The following AGTPBP1 variants were observed in gnomAD, a reference collection of about 807,000 sequenced individuals.
AGTPBP1 encodes ATP/GTP binding carboxypeptidase 1, also known as cytosolic carboxypeptidase 1.
In AGTPBP1, 70 loss-of-function variants were observed where a neutral mutation model predicts 143.9. The observed-to-expected ratio is 0.49, with a 90% confidence interval of 0.40 to 0.59. AGTPBP1 has a LOEUF of 0.59. Among genes scored for constraint, AGTPBP1 ranks in the 20% least tolerant of loss-of-function variants. AGTPBP1 has a pLI of 0.00. For synonymous variants in AGTPBP1, 463 were observed against 500.2 expected (o/e 0.93, Z 0.99); for missense variants, 1,229 against 1,464.5 (o/e 0.84, Z 2.62).
At chr9:85,692,355 C>A (rs1379866569) in intron 3 of AGTPBP1, among the ~76,000 whole-genome samples, 1 of 151,640 alleles carries the variant, frequency 6.6e-6, no homozygotes, top group Non-Finnish European at 1.5e-5. Context: ...CTCACTGCAA[C>A]CTCCACCTCT....
chr9:85,645,900 T>C (rs534358522), intron 12 of AGTPBP1, among the ~76,000 whole-genome samples: 82 of 152,174 alleles, frequency 5.4e-4, no homozygotes, highest in Non-Finnish European at 7.9e-4. Context: ...AACTGAAACC[T>C]AAGAATCATT....
chr9:85,574,178 C>G (rs900573370), intron 25 of AGTPBP1, among the ~76,000 whole-genome samples: 3 of 152,012 alleles, frequency 2.0e-5, no homozygotes, highest in African/African-American at 7.2e-5. Flanking sequence ...TACCCCCAAC[C>G]CTGTGCTCTC....
chr9:85,799,862 AGCC>A, the AGTPBP1 span, among the ~76,000 whole-genome samples: 2 of 152,150 alleles, frequency 1.3e-5, no homozygotes, highest in Non-Finnish European at 2.9e-5. Context: ...TGTTGATGAG[AGCC>A]TCTGTAGGTA....
intron 3 of AGTPBP1, among the ~76,000 whole-genome samples, chr9:85,690,200 T>C (rs1174464145): frequency 6.6e-6 from 1 of 152,066 alleles, no homozygotes; most frequent in Non-Finnish European, 1.5e-5. Context: ...GTAAAGAAAA[T>C]TTTTGTACAT....
intron 11 of AGTPBP1, among the ~76,000 whole-genome samples, chr9:85,654,663 C>T (rs749443283): frequency 9.9e-5 from 15 of 151,690 alleles, no homozygotes; most frequent in Admixed American, 2.6e-4. Flanking sequence ...GCCAACATGG[C>T]GAAAACCCAT....
Position 85,646,303 on chromosome 9 carries a change from A to G in AGTPBP1, c.1185+18T>C. ...ATATCATTTATAAAGCTAACTAATT[A>G]CAGAAATTTATACTAACCTTAAAAT... On this transcript the variant is annotated intron_variant, in intron 12 of 25. Transcript: ENST00000357081. The G allele has an allele frequency of 6.3e-7, 1 of 1,583,448 alleles. No homozygotes were observed. Among genetic ancestry groups the G allele is most frequent in the South Asian group, 1.1e-5 (1 of 90,248 alleles).
Position 85,579,035 on chromosome 9 carries a change from A to G in AGTPBP1, c.3227T>C (p.Val1076Ala). The change falls in exon 24 of 26, where the codon GTA (valine) becomes GCA (alanine). Residue 1076 changes from valine to alanine, a missense_variant. Around this residue, in one of 2 missense-constraint regions of AGTPBP1, gnomAD observed 486 missense variants for 652.3 expected, o/e 0.75. Transcript: ENST00000357081. The stretch of plus-strand genomic sequence containing the variant: ...TGTGGATTCTTTAGATTTTTCCACT[A>G]CGAAGCTACAGCTGCTCATGCAAAA... ...PAFCMSSCSFVVEKSKESTAR... is the reference protein window; with the variant it reads ...PAFCMSSCSFAVEKSKESTAR... The G allele has an allele frequency of 6.2e-7, 1 of 1,611,624 alleles. No homozygotes were observed. Among genetic ancestry groups the G allele is most frequent in the Non-Finnish European group, 8.5e-7 (1 of 1,179,192 alleles).
intron 1 of AGTPBP1, among the ~76,000 whole-genome samples, chr9:85,739,456 C>A (rs1028883521): frequency 6.6e-5 from 10 of 152,180 alleles, no homozygotes; most frequent in African/African-American, 2.4e-4. Flanking sequence ...CGCCTGTAAT[C>A]CCAGGACTTT....
At chr9:85,769,845 T>C in the AGTPBP1 span, among the ~76,000 whole-genome samples, 1 of 152,124 alleles carries the variant, frequency 6.6e-6, no homozygotes, top group African/African-American at 2.4e-5. Context: ...CTAGTGGAAA[T>C]ATTGACACAC....
At chr9:85,650,002 C>G (rs1207555219) in intron 11 of AGTPBP1, among the ~76,000 whole-genome samples, 1 of 148,386 alleles carries the variant, frequency 6.7e-6, no homozygotes, top group South Asian at 2.1e-4. Context: ...TTAATCTTAC[C>G]AGATTGTGTT....
At chr9:85,616,772 A>C (rs753577627) in intron 17 of AGTPBP1, among the ~76,000 whole-genome samples, 2 of 151,948 alleles carry the variant, frequency 1.3e-5, no homozygotes, top group Non-Finnish European at 2.9e-5. Flanking sequence ...TTTTAAAGTT[A>C]ATTGAAAGTT....
At chr9:85,580,631 A>C (rs1263401549) in intron 23 of AGTPBP1, among the ~76,000 whole-genome samples, 1 of 152,242 alleles carries the variant, frequency 6.6e-6, no homozygotes, top group African/African-American at 2.4e-5. Context: ...CAAAGATGAT[A>C]GTACAATGTA....
the AGTPBP1 span, among the ~76,000 whole-genome samples, chr9:85,796,222 A>G: frequency 6.6e-6 from 1 of 152,200 alleles, no homozygotes; most frequent in African/African-American, 2.4e-5. Context: ...GTGATTCCAC[A>G]GTAGTGTTGT....
chr9:85,778,248 G>A, the AGTPBP1 span, among the ~76,000 whole-genome samples: 1 of 152,170 alleles, frequency 6.6e-6, no homozygotes, highest in African/African-American at 2.4e-5. Flanking sequence ...GTTCATGATA[G>A]GCAGTTCAGG....
intron 17 of AGTPBP1, among the ~76,000 whole-genome samples, chr9:85,607,286 AAAC>A (rs1830046376): frequency 6.6e-6 from 1 of 152,112 alleles, no homozygotes; most frequent in African/African-American, 2.4e-5. Flanking sequence ...ATGTTATAAA[AAAC>A]AATTATTATT....
chr9:85,757,716 T>C, the AGTPBP1 span, among the ~76,000 whole-genome samples: 1 of 151,810 alleles, frequency 6.6e-6, no homozygotes, highest in South Asian at 2.1e-4. Context: ...AAATAACAGT[T>C]TTAGAGAGAT....
rs1335086867 is a variant in AGTPBP1 at position 85,589,580 on chromosome 9, C to G, written c.2670G>C (p.Val890=). 1 of 1,613,510 alleles carries G rather than the reference C, an allele frequency of 6.2e-7. No individual in the cohort carries two copies. The highest frequency in any genetic ancestry group is 2.2e-5 in the East Asian group (1 of 44,852). ...TAGACTCTGGCATTGCTGTTATAGT[C>G]ACCAAGGGGCAGCTGTTTCCAGACA... is the stretch of plus-strand genomic sequence containing the variant. The part of the protein sequence containing the change: ...ETLSGNSCPL[V]TITAMPESNY... Residue 890 remains valine (V), a synonymous_variant, in exon 20 of 26, where the codon GTG becomes GTC. Transcript: ENST00000357081.
chr9:85,734,969 A>G lies in AGTPBP1; in HGVS notation c.-34+6806T>C, dbSNP rs1190335419. ...GAGAATCACTTGAACCCAGAGGCAA[A>G]GGTTGCAGTGAGCTGAGATCGCGCC... On this transcript the variant is annotated intron_variant, in intron 1 of 25. Transcript: ENST00000357081. Among the ~76,000 whole-genome samples the G allele has an allele frequency of 2.0e-5, 3 of 152,302 alleles. 1 individual carries two copies. In the South Asian group the frequency reaches 6.2e-4, roughly 32 times the overall value.
chr9:85,592,644 T>G lies in AGTPBP1; in HGVS notation c.2484A>C (p.Thr828=). The G allele has an allele frequency of 6.2e-7, 1 of 1,612,168 alleles. No homozygotes were observed. The highest frequency in any genetic ancestry group is 1.1e-5 in the South Asian group (1 of 90,532). ...GTGGAAAATTGACAGTAAATGTAATTGTATAGTAGGATTTTCCCTTTTGCC... is the reference window on the plus strand; with the variant it reads ...GTGGAAAATTGACAGTAAATGTAATGGTATAGTAGGATTTTCCCTTTTGCC... ...AGGQKGKSYY[T]ITFTVNFPHK... is the part of the protein sequence containing the mutation. Residue 828 remains threonine (T), a synonymous_variant, in exon 19 of 26, where the codon ACA becomes ACC. Coordinates refer to ENST00000357081, the MANE Select transcript of AGTPBP1 (RefSeq NM_001330701.2).
Sources: allele counts gnomAD v4.1 joint callset (sites outside exome capture counted in the v4.1 genomes callset), GRCh38; gene constraint gnomAD v4.1.1; regional missense constraint gnomAD v4.1.1; transcripts MANE v1.5; gene names NCBI Gene and HGNC (gene_info 2026-07-23, HGNC 2026-07-21).